Variants in CHODL observed in about 807,000 individuals in gnomAD.
CHODL encodes the protein chondrolectin, also known as transmembrane protein MT75.
A neutral mutation model predicts 34.5 loss-of-function variants in CHODL; 29 were observed. The ratio of observed to expected loss-of-function variants is 0.84; its 90% CI spans 0.63 to 1.15. The LOEUF is 1.15. Ranked by LOEUF, CHODL falls within the 50% of genes most tolerant of loss-of-function variation. The probability of loss-of-function intolerance (pLI) is 0.00; values close to 1 mark genes in which losing one functional copy is unlikely to be tolerated. For missense variants in CHODL, 332 were observed against 332.5 expected, an observed-to-expected ratio of 1.00 and a Z score of 0.01; for synonymous variants, 125 against 116.1, an observed-to-expected ratio of 1.08 and a Z score of -0.49.
intron 2 of CHODL, among the ~76,000 whole-genome samples, chr21:18,045,859 C>T (rs928147239): frequency 6.6e-6 from 1 of 151,904 alleles, no homozygotes; most frequent in African/African-American, 2.4e-5. Context: ...TCTCCTCCAG[C>T]GGATGCAGTA....
rs144763649 is a variant in CHODL at position 18,247,688 on chromosome 21, T to C, written c.79+2386T>C. On this transcript the variant is annotated intron_variant, in intron 1 of 5. Transcript: ENST00000299295. ...TGATGTACGAATATGCAAAACAAGA[T>C]GTGATATGATGATAGTAATCAAAGC... Among the ~76,000 whole-genome samples the C allele has an allele frequency of 3.0e-3, 464 of 152,184 alleles. 2 individuals carry two copies. The highest frequency in any genetic ancestry group is 0.01 in the African/African-American group (429 of 41,538).
intron 2 of CHODL, among the ~76,000 whole-genome samples, chr21:18,167,928 A>G (rs906621960): frequency 6.6e-6 from 1 of 152,214 alleles, no homozygotes; most frequent in African/African-American, 2.4e-5. Flanking sequence ...CTCACCCTCA[A>G]TCTGGGCAGG....
At chr21:18,181,471 C>T (rs1568926090) in intron 2 of CHODL, among the ~76,000 whole-genome samples, 3 of 152,170 alleles carry the variant, frequency 2.0e-5, no homozygotes, top group East Asian at 3.8e-4. Flanking sequence ...GGCGGGATCT[C>T]GGCTCACTGC....
intron 1 of CHODL, among the ~76,000 whole-genome samples, chr21:18,012,863 T>C (rs968196524): frequency 6.6e-6 from 1 of 152,220 alleles, no homozygotes; most frequent in Non-Finnish European, 1.5e-5. Flanking sequence ...ATCTGTTGTT[T>C]AATCTTAATT....
At chr21:18,114,414 A>G (rs867122840) in intron 2 of CHODL, among the ~76,000 whole-genome samples, 19 of 152,130 alleles carry the variant, frequency 1.2e-4, no homozygotes, top group African/African-American at 3.4e-4. Context: ...TATATATACT[A>G]TGTACCCACA....
At chr21:17,982,001 C>T (rs2063717624) in intron 1 of CHODL, among the ~76,000 whole-genome samples, 1 of 152,072 alleles carries the variant, frequency 6.6e-6, no homozygotes, top group Non-Finnish European at 1.5e-5. Context: ...TTTTCTAATT[C>T]CTAATATTTA....
chr21:18,088,474 G>A (rs1238206654), intron 2 of CHODL, among the ~76,000 whole-genome samples: 3 of 152,190 alleles, frequency 2.0e-5, no homozygotes, highest in African/African-American at 7.2e-5. Flanking sequence ...AGCAACATCT[G>A]TGTGCAATCT....
chr21:18,197,490 C>G (rs998114543), intron 2 of CHODL, among the ~76,000 whole-genome samples: 14 of 152,078 alleles, frequency 9.2e-5, no homozygotes, highest in African/African-American at 3.4e-4. Flanking sequence ...GTGGTGCATG[C>G]CTGTAATCCC....
chr21:18,162,845 T>G (rs1389853153), intron 2 of CHODL, among the ~76,000 whole-genome samples: 2 of 152,222 alleles, frequency 1.3e-5, no homozygotes, highest in African/African-American at 4.8e-5. Flanking sequence ...CTCACTATGT[T>G]GCTTAGGCTA....
intron 2 of CHODL, among the ~76,000 whole-genome samples, chr21:18,128,320 A>C (rs1449747548): frequency 7.2e-6 from 1 of 139,128 alleles, no homozygotes; most frequent in East Asian, 2.0e-4. Context: ...AAAAAAAAAA[A>C]AAAAAAAAAA....
chr21:17,943,135 C>A (rs922038863), intron 1 of CHODL, among the ~76,000 whole-genome samples: 1 of 152,114 alleles, frequency 6.6e-6, no homozygotes, highest in African/African-American at 2.4e-5. Flanking sequence ...AGTGTGAGAA[C>A]AGACTAATAT....
At chr21:18,178,210 T>C (rs1464078336) in intron 2 of CHODL, among the ~76,000 whole-genome samples, 1 of 152,336 alleles carries the variant, frequency 6.6e-6, no homozygotes, top group East Asian at 1.9e-4. Flanking sequence ...TTAATTATTT[T>C]CATGAGGCTG....
chr21:18,213,888 A>G (rs1368263298), intron 2 of CHODL, among the ~76,000 whole-genome samples: 1 of 152,076 alleles, frequency 6.6e-6, no homozygotes, highest in Non-Finnish European at 1.5e-5. Context: ...TATCCCCACC[A>G]GTTTTTTCCA....
chr21:18,053,884 CAT>C (rs1425470171), intron 2 of CHODL, among the ~76,000 whole-genome samples: 2 of 151,698 alleles, frequency 1.3e-5, no homozygotes, highest in South Asian at 2.1e-4. Flanking sequence ...ATTTATATAA[CAT>C]ATATAGTATG....
intron 2 of CHODL, among the ~76,000 whole-genome samples, chr21:18,154,751 T>C (rs1180323002): frequency 6.6e-6 from 1 of 152,224 alleles, no homozygotes; most frequent in Admixed American, 6.5e-5. Context: ...CTAAAATTAA[T>C]GAACAAATGT....
At chr21:17,958,490 T>C (rs1205140732) in intron 1 of CHODL, among the ~76,000 whole-genome samples, 1 of 152,156 alleles carries the variant, frequency 6.6e-6, no homozygotes, top group South Asian at 2.1e-4. Context: ...CTAATAACAT[T>C]ATCTTCAAAA....
At chr21:18,036,813 A>C (rs1225508979) in intron 2 of CHODL, among the ~76,000 whole-genome samples, 1 of 152,014 alleles carries the variant, frequency 6.6e-6, no homozygotes, top group East Asian at 1.9e-4. Flanking sequence ...TAAAATAATT[A>C]GAACTCTAAT....
intron 2 of CHODL, among the ~76,000 whole-genome samples, chr21:18,199,825 A>T (rs1242395659): frequency 1.3e-5 from 2 of 152,192 alleles, no homozygotes; most frequent in Non-Finnish European, 2.9e-5. Flanking sequence ...TCCTATGGAT[A>T]TACCAGTTTG....
Position 18,012,081 on chromosome 21 carries a change from G to A in CHODL, c.-144-15791G>A, listed in dbSNP as rs547375034. On this transcript the variant is annotated intron_variant, in intron 1 of 6. Transcript: ENST00000400127. ...TAACTATTTGAAGTTTATGCATGTTGCATCCCCTCTGTTTTGACATGTGAA... is the reference window on the plus strand; with the variant it reads ...TAACTATTTGAAGTTTATGCATGTTACATCCCCTCTGTTTTGACATGTGAA... Among the ~76,000 whole-genome samples the A allele has an allele frequency of 9.2e-5, 14 of 152,284 alleles. No homozygotes were observed. In the South Asian group the frequency reaches 2.9e-3, roughly 32 times the overall value.
Sources: allele counts gnomAD v4.1 joint callset (sites outside exome capture counted in the v4.1 genomes callset), GRCh38; gene constraint gnomAD v4.1.1; transcripts MANE v1.5; gene names NCBI Gene and HGNC (gene_info 2026-07-23, HGNC 2026-07-21).